LIMS1: variants seen among roughly 807,000 people sequenced by gnomAD.
LIMS1 encodes the protein LIM zinc finger domain containing 1, also known as LIM and senescent cell antigen-like-containing domain protein 1.
Under a neutral mutation model 44.1 loss-of-function variants are expected in LIMS1, and 18 were observed. The ratio of observed to expected loss-of-function variants is 0.41; its 90% confidence interval spans 0.28 to 0.61. The LOEUF (loss-of-function observed/expected upper bound fraction) is 0.61, where lower values mean the gene tolerates loss of function less well. Among genes scored for constraint, LIMS1 ranks in the 20% least tolerant of loss-of-function variants. The pLI is 0.32. For synonymous variants in LIMS1, 93 were observed against 149.1 expected, an observed-to-expected ratio of 0.62 and a Z score of 2.74; for missense variants, 201 against 422.0, an observed-to-expected ratio of 0.48 and a Z score of 4.59.
chr2:108,635,987 C>T (rs184904443), intron 1 of LIMS1, among the ~76,000 whole-genome samples: 74 of 152,232 alleles, frequency 4.9e-4, no homozygotes, highest in African/African-American at 1.6e-3. Flanking sequence ...AAAACCCACA[C>T]GCTAATTTGA....
In LIMS1 at chr2:108,562,821, A is replaced by T. The variant is rs114621371; in HGVS notation, c.32+28227A>T. ...CAAAATAGCCTTCTGTTGGGAGAAG[A>T]TGCCATCTAGGACTCAAGGCTGGAG... On this transcript the variant is annotated intron_variant, in intron 1 of 9. Coordinates refer to ENST00000544547, the Ensembl canonical transcript of LIMS1. Among the ~76,000 whole-genome samples, 618 of 152,350 alleles carry T rather than the reference A, an allele frequency of 4.1e-3. 4 individuals carry two copies. Among genetic ancestry groups the T allele is most frequent in the African/African-American group, 0.014 (586 of 41,586 alleles).
intron 1 of LIMS1, among the ~76,000 whole-genome samples, chr2:108,585,589 G>A (rs1357260574): frequency 6.6e-6 from 1 of 152,114 alleles, no homozygotes. Context: ...ATTTGTTGAA[G>A]TCATCAGGGA....
chr2:108,640,339 G>A (rs1214392729), intron 1 of LIMS1, among the ~76,000 whole-genome samples: 1 of 152,176 alleles, frequency 6.6e-6, no homozygotes, highest in Non-Finnish European at 1.5e-5. Flanking sequence ...CCAGGGAGAG[G>A]TGCTTCTTAA....
At chr2:108,572,642 C>T (rs909776040) in intron 1 of LIMS1, among the ~76,000 whole-genome samples, 2 of 152,074 alleles carry the variant, frequency 1.3e-5, no homozygotes, top group African/African-American at 4.8e-5. Flanking sequence ...CCTCGGCCTC[C>T]CAAAGTGCTG....
At chr2:108,549,279 CTTTTTTTTTTT>C (rs71381966) in intron 1 of LIMS1, among the ~76,000 whole-genome samples, 17 of 55,792 alleles carry the variant, frequency 3.0e-4, no homozygotes, top group Middle Eastern at 0.021. Context: ...TAAAGTGTTT[CTTTTTTTTTTT>C]TTTTTTTTTT....
chr2:108,550,451 A>C (rs1432253846), intron 1 of LIMS1, among the ~76,000 whole-genome samples: 2 of 151,558 alleles, frequency 1.3e-5, no homozygotes, highest in Admixed American at 1.3e-4. Context: ...GTGAGCCAAG[A>C]TCACGCCACT....
At position 108,680,674 on chromosome 2, in the gene LIMS1, A is replaced by T. The variant is rs745406612; in HGVS notation, c.824-21A>T. 26 of 1,608,736 alleles carry T rather than the reference A, an allele frequency of 1.6e-5. No homozygotes were observed. In the East Asian group the frequency reaches 5.8e-4, roughly 36 times the overall value. On this transcript the variant is annotated intron_variant, in intron 8 of 9. Transcript: ENST00000544547. ...TACTGATGTATTTCCATGTGACCAGATCTCTTTCCTCTTTCTCCAGTGGTC... is the reference window on the plus strand; with the variant it reads ...TACTGATGTATTTCCATGTGACCAGTTCTCTTTCCTCTTTCTCCAGTGGTC...
chr2:108,681,587 A>G (rs1443846277), intron 9 of LIMS1: 1 of 965,352 alleles, frequency 1.0e-6, no homozygotes, highest in Non-Finnish European at 1.2e-6. Flanking sequence ...GTGTTGTTTG[A>G]TATTTTTAAA....
chr2:108,663,174 A>G (rs1054565012), intron 2 of LIMS1, among the ~76,000 whole-genome samples: 14 of 151,924 alleles, frequency 9.2e-5, no homozygotes, highest in Non-Finnish European at 4.4e-5. Flanking sequence ...GCTGGAGTGC[A>G]GTGGCACAAT....
At chr2:108,612,033 C>T (rs1687679636) in intron 1 of LIMS1, among the ~76,000 whole-genome samples, 2 of 77,384 alleles carry the variant, frequency 2.6e-5, no homozygotes, top group African/African-American at 5.0e-5. Context: ...CACATATACA[C>T]ACACACACAC....
At chr2:108,623,238 A>T (rs1200404153) in intron 1 of LIMS1, among the ~76,000 whole-genome samples, 1 of 151,810 alleles carries the variant, frequency 6.6e-6, no homozygotes, top group Non-Finnish European at 1.5e-5. Context: ...TAATCAGCTT[A>T]GGTGTATTTT....
intron 2 of LIMS1, among the ~76,000 whole-genome samples, chr2:108,669,050 A>G (rs1691983354): frequency 6.6e-6 from 1 of 152,146 alleles, no homozygotes; most frequent in Admixed American, 6.6e-5. Context: ...CCTGAACAAC[A>G]TAGCAAGAAC....
intron 1 of LIMS1, among the ~76,000 whole-genome samples, chr2:108,563,799 C>A (rs939586020): frequency 1.3e-5 from 2 of 152,154 alleles, no homozygotes; most frequent in African/African-American, 4.8e-5. Context: ...TAGCTCATGC[C>A]TGTAAATCCA....
rs186168491 is a variant in LIMS1, at chr2:108,673,290, G to A, written c.530+261G>A. 110 of 569,016 alleles carry A rather than the reference G, an allele frequency of 1.9e-4. No individual in the cohort carries two copies. The East Asian group carries it at 3.2e-3, about 17-fold the overall frequency. 35.2% of individuals were successfully genotyped at this position (569,016 alleles called of 1,614,324 possible). ...CCCTCCTATGTATGTGTGCACGTGTGCCTGTATACGCATACCTCTAAAATT... is the reference window on the plus strand; with the variant it reads ...CCCTCCTATGTATGTGTGCACGTGTACCTGTATACGCATACCTCTAAAATT... On this transcript the variant is annotated intron_variant, in intron 5 of 9. Coordinates refer to ENST00000544547, the Ensembl canonical transcript of LIMS1.
chr2:108,550,485 C>T (rs765241578), intron 1 of LIMS1, among the ~76,000 whole-genome samples: 10 of 140,538 alleles, frequency 7.1e-5, no homozygotes, highest in East Asian at 2.2e-4. Flanking sequence ...GGTGACAGAG[C>T]GAGACTCCAT....
At chr2:108,539,198 C>G (rs2104565463) in intron 1 of LIMS1, among the ~76,000 whole-genome samples, 1 of 152,274 alleles carries the variant, frequency 6.6e-6, no homozygotes, top group East Asian at 1.9e-4. Flanking sequence ...ATCCTTTCAC[C>G]TTAGACTTCT....
chr2:108,621,391 G>C (rs1238413565), intron 1 of LIMS1: 3 of 1,550,070 alleles, frequency 1.9e-6, no homozygotes, highest in Admixed American at 3.9e-5. Flanking sequence ...TTCACATTCA[G>C]GTCTCTACAG....
intron 1 of LIMS1, among the ~76,000 whole-genome samples, chr2:108,572,380 C>CTTTTTTTTTT (rs780841996): frequency 8.9e-6 from 1 of 112,754 alleles, no homozygotes; most frequent in Non-Finnish European, 1.8e-5. Flanking sequence ...GGGACTCTTG[C>CTTTTTTTTTT]TTTTTTTTTT....
chr2:108,541,973 G>T (rs1684331586), intron 1 of LIMS1, among the ~76,000 whole-genome samples: 1 of 152,188 alleles, frequency 6.6e-6, no homozygotes, highest in Non-Finnish European at 1.5e-5. Flanking sequence ...TTCTGCCAAA[G>T]TGTAATCTCT....
Sources: allele counts gnomAD v4.1 joint callset (sites outside exome capture counted in the v4.1 genomes callset), GRCh38; gene constraint gnomAD v4.1.1; transcripts MANE v1.5; gene names NCBI Gene and HGNC (gene_info 2026-07-23, HGNC 2026-07-21).